The following SLC1A3 variants were observed in gnomAD, a reference collection of about 807,000 sequenced individuals.
SLC1A3 encodes the protein solute carrier family 1 member 3.
In SLC1A3, 21 loss-of-function variants were observed where a neutral mutation model predicts 48.1. The ratio of observed to expected loss-of-function variants is 0.44; its 90% CI spans 0.31 to 0.63. The LOEUF is 0.63. SLC1A3 is among the 20% of genes least tolerant of loss of function. SLC1A3 has a pLI of 0.08. For synonymous variants in SLC1A3, 239 were observed against 251.4 expected (o/e 0.95, Z 0.47); for missense variants, 546 against 689.0 (o/e 0.79, Z 2.32).
chr5:36,659,094 C>A (rs898804926), intron 3 of SLC1A3, among the ~76,000 whole-genome samples: 1 of 152,058 alleles, frequency 6.6e-6, no homozygotes, highest in Admixed American at 6.6e-5. Context: ...ATGATTGATA[C>A]CAGTCTAGTG....
chr5:36,645,471 G>A lies in SLC1A3; in HGVS notation c.319+15884G>A, dbSNP rs140819385. On this transcript the variant is annotated intron_variant, in intron 3 of 9. Coordinates refer to ENST00000265113, the MANE Select transcript of SLC1A3 (RefSeq NM_004172.5). Reference sequence around the variant, plus strand: ...TGCCCAAGTAGCTGGAATTACAGGTGCCTACCACCACGCCCAGTTAATTTT... The same window carrying A: ...TGCCCAAGTAGCTGGAATTACAGGTACCTACCACCACGCCCAGTTAATTTT... Among the ~76,000 whole-genome samples, 291 of 151,808 alleles carry A rather than the reference G, an allele frequency of 1.9e-3. 1 individual carries two copies. The highest frequency in any genetic ancestry group is 0.01 in the Middle Eastern group (3 of 292).
chr5:36,640,076 G>A (rs896067334), intron 3 of SLC1A3, among the ~76,000 whole-genome samples: 7 of 152,336 alleles, frequency 4.6e-5, no homozygotes, highest in African/African-American at 1.7e-4. Context: ...AAGGATTTCT[G>A]TGGCCATGTC....
At position 36,686,242 on chromosome 5, in the gene SLC1A3, A is replaced by G; in HGVS notation, c.1602A>G (p.Lys534=). 4 of 1,614,030 alleles carry G rather than the reference A, an allele frequency of 2.5e-6. No individual in the cohort carries two copies. The highest frequency in any genetic ancestry group is 1.1e-5 in the South Asian group (1 of 91,088). The part of the protein sequence containing the change: ...QLIAQDNETE[K]PIDSETKM Reference sequence around the variant, plus strand: ...TTGCACAGGACAATGAAACTGAGAAACCCATCGACAGTGAAACCAAGATGT... The same window carrying G: ...TTGCACAGGACAATGAAACTGAGAAGCCCATCGACAGTGAAACCAAGATGT... Residue 534 remains lysine (K), a synonymous_variant, in exon 10 of 10, where the codon AAA becomes AAG. Coordinates refer to ENST00000265113, the MANE Select transcript of SLC1A3 (RefSeq NM_004172.5).
intron 2 of SLC1A3, among the ~76,000 whole-genome samples, chr5:36,622,380 G>A (rs1313474049): frequency 5.9e-5 from 9 of 152,148 alleles, no homozygotes; most frequent in Non-Finnish European, 1.3e-4. Context: ...CTGCCAAATT[G>A]TTCATGACAA....
intron 3 of SLC1A3, among the ~76,000 whole-genome samples, chr5:36,637,524 A>C (rs1469066852): frequency 6.6e-6 from 1 of 152,216 alleles, no homozygotes; most frequent in Non-Finnish European, 1.5e-5. Context: ...AAATTTAAAG[A>C]AAAGGTAAAT....
intron 1 of SLC1A3, chr5:36,607,151 A>G (rs1407933655): frequency 6.6e-6 from 1 of 152,222 alleles, no homozygotes; most frequent in Admixed American, 6.5e-5. Flanking sequence ...CACTGACCCC[A>G]ACTTGCAATT....
At chr5:36,602,611 C>T (rs1039871520), upstream of SLC1A3, among the ~76,000 whole-genome samples, 2 of 152,152 alleles carry the variant, frequency 1.3e-5, no homozygotes, top group African/African-American at 2.4e-5. Flanking sequence ...CCCTCTTTAG[C>T]TTTAGAATGG....
intron 3 of SLC1A3, among the ~76,000 whole-genome samples, chr5:36,647,887 C>T (rs1488242856): frequency 2.6e-5 from 4 of 152,160 alleles, no homozygotes; most frequent in Admixed American, 6.5e-5. Flanking sequence ...ACACTAACTT[C>T]GTGGCTTCTT....
chr5:36,681,772 T>C (rs1174877968), intron 8 of SLC1A3, among the ~76,000 whole-genome samples: 1 of 152,232 alleles, frequency 6.6e-6, no homozygotes, highest in Non-Finnish European at 1.5e-5. Context: ...AATGGGACAC[T>C]TTAAGCCTCA....
At chr5:36,604,348 A>G (rs1240032319), upstream of SLC1A3, among the ~76,000 whole-genome samples, 2 of 151,944 alleles carry the variant, frequency 1.3e-5, no homozygotes, top group African/African-American at 2.4e-5. Context: ...GGAAAAAAAA[A>G]GATGTTTTAA....
At chr5:36,601,557 C>A (rs576128133), upstream of SLC1A3, among the ~76,000 whole-genome samples, 2 of 152,284 alleles carry the variant, frequency 1.3e-5, no homozygotes, top group Non-Finnish European at 2.9e-5. Flanking sequence ...GAAACCTGAA[C>A]TTGGCACTAA....
At position 36,611,742 on chromosome 5, in the gene SLC1A3, GTC is replaced by G. The variant is rs148311887; in HGVS notation, c.181+3140_181+3141del. On this transcript the variant is annotated intron_variant, in intron 2 of 9. Transcript: ENST00000265113. ...AACCACACTGGGAAGAGTGGTTATT[GTC>G]TTTCTTCCTCCAGAAAGAAATTTCT... Among the ~76,000 whole-genome samples, 95 of 152,296 alleles carry G rather than the reference GTC, an allele frequency of 6.2e-4. 1 individual carries two copies. The highest frequency in any genetic ancestry group is 2.1e-3 in the African/African-American group (87 of 41,578).
intron 3 of SLC1A3, among the ~76,000 whole-genome samples, chr5:36,640,173 T>G (rs1167084251): frequency 2.0e-5 from 3 of 152,214 alleles, no homozygotes; most frequent in Non-Finnish European, 4.4e-5. Context: ...GAAAGAAAAC[T>G]TTGGGATAGT....
intron 2 of SLC1A3, among the ~76,000 whole-genome samples, chr5:36,618,608 A>T (rs1739541022): frequency 6.6e-6 from 1 of 152,214 alleles, no homozygotes; most frequent in Non-Finnish European, 1.5e-5. Flanking sequence ...TTTACTCTTC[A>T]TACTGCACAG....
chr5:36,652,304 T>G (rs1741111698), intron 3 of SLC1A3, among the ~76,000 whole-genome samples: 1 of 144,606 alleles, frequency 6.9e-6, no homozygotes, highest in Non-Finnish European at 1.5e-5. Flanking sequence ...CAGCTCCAAG[T>G]GGCGTGAGCG....
chr5:36,649,981 A>G (rs1740995814), intron 3 of SLC1A3, among the ~76,000 whole-genome samples: 1 of 152,240 alleles, frequency 6.6e-6, no homozygotes, highest in African/African-American at 2.4e-5. Flanking sequence ...GGATTACTTT[A>G]GTGCACTTAA....
intron 8 of SLC1A3, among the ~76,000 whole-genome samples, chr5:36,683,553 C>T (rs556042433): frequency 3.9e-5 from 6 of 151,986 alleles, no homozygotes; most frequent in East Asian, 1.9e-4. Flanking sequence ...ACTAAAAACA[C>T]GAATATTAGT....
intron 3 of SLC1A3, among the ~76,000 whole-genome samples, chr5:36,660,717 C>A (rs1294345069): frequency 6.6e-6 from 1 of 152,356 alleles, no homozygotes; most frequent in East Asian, 1.9e-4. Flanking sequence ...CAATCTCCCA[C>A]TCCCTAGGTG....
intron 2 of SLC1A3, among the ~76,000 whole-genome samples, chr5:36,619,545 C>T (rs896966965): frequency 5.3e-5 from 8 of 152,040 alleles, no homozygotes; most frequent in Admixed American, 2.0e-4. Context: ...AAGGCTGAGG[C>T]GGGAGGATCA....
Sources: allele counts gnomAD v4.1 joint callset (sites outside exome capture counted in the v4.1 genomes callset), GRCh38; gene constraint gnomAD v4.1.1; transcripts MANE v1.5; gene names NCBI Gene and HGNC (gene_info 2026-07-23, HGNC 2026-07-21).